Variants in CMSS1 observed in about 807,000 individuals in gnomAD.
The protein encoded by CMSS1 is cms1 ribosomal small subunit homolog, also known as protein CMSS1.
Under a neutral mutation model 43.5 loss-of-function variants are expected in CMSS1, and 33 were observed. The ratio of observed to expected loss-of-function variants is 0.76; its 90% CI spans 0.57 to 1.01. The LOEUF (loss-of-function observed/expected upper bound fraction) is 1.01. CMSS1 is among the 50% of genes least tolerant of loss of function. The pLI, the probability that CMSS1 is intolerant of heterozygous loss-of-function variation, is 0.00. For missense variants in CMSS1, 313 were observed against 326.4 expected (o/e 0.96, Z 0.32); for synonymous variants, 115 against 117.2 (o/e 0.98, Z 0.12).
chr3:99,866,064 T>A (rs748420710), intron 1 of CMSS1, among the ~76,000 whole-genome samples: 4 of 152,168 alleles, frequency 2.6e-5, no homozygotes, highest in Non-Finnish European at 5.9e-5. Flanking sequence ...TTCGTTGGGC[T>A]GCTTTTCTTT....
At chr3:100,092,027 T>G (rs368968566) in intron 1 of CMSS1, among the ~76,000 whole-genome samples, 12 of 152,326 alleles carry the variant, frequency 7.9e-5, no homozygotes, top group Non-Finnish European at 1.3e-4. Flanking sequence ...GTGCCACATA[T>G]GTAAAATGGG....
At chr3:99,819,466 G>A in intron 1 of CMSS1, among the ~76,000 whole-genome samples, 1 of 152,202 alleles carries the variant, frequency 6.6e-6, no homozygotes, top group Admixed American at 6.5e-5. Context: ...TATCTATTAT[G>A]TGACAAATGT....
chr3:99,983,434 ATATATATG>A (rs1559713519), intron 1 of CMSS1, among the ~76,000 whole-genome samples: 8 of 67,818 alleles, frequency 1.2e-4, no homozygotes, highest in African/African-American at 4.2e-4. Context: ...GTATGTATGT[ATATATATG>A]TATGTATATA....
intron 1 of CMSS1, among the ~76,000 whole-genome samples, chr3:99,835,220 C>A (rs1289563724): frequency 6.6e-6 from 1 of 152,184 alleles, no homozygotes; most frequent in Non-Finnish European, 1.5e-5. Flanking sequence ...TACTTCTAAT[C>A]ACCTTTGACC....
At chr3:99,839,538 T>C (rs1454026571) in intron 1 of CMSS1, among the ~76,000 whole-genome samples, 2 of 152,188 alleles carry the variant, frequency 1.3e-5, no homozygotes, top group Non-Finnish European at 2.9e-5. Flanking sequence ...GGATTCCTGC[T>C]GAAAACCAAT....
intron 1 of CMSS1, among the ~76,000 whole-genome samples, chr3:100,117,692 G>A (rs2066582118): frequency 2.0e-5 from 3 of 149,840 alleles, no homozygotes; most frequent in South Asian, 4.2e-4. Flanking sequence ...GTAATAATGT[G>A]TATATTGATT....
At chr3:99,818,498 T>C (rs1942368757) in intron 1 of CMSS1, among the ~76,000 whole-genome samples, 1 of 152,194 alleles carries the variant, frequency 6.6e-6, no homozygotes, top group Non-Finnish European at 1.5e-5. Context: ...AACAATAATG[T>C]CCATTTCGTA....
chr3:99,912,947 A>C (rs577337475), intron 1 of CMSS1, among the ~76,000 whole-genome samples: 3 of 152,306 alleles, frequency 2.0e-5, no homozygotes, highest in Non-Finnish European at 4.4e-5. Context: ...TTGAAATCAT[A>C]ACTCCCAATG....
chr3:99,862,189 CTAAA>C (rs1470703561), intron 1 of CMSS1, among the ~76,000 whole-genome samples: 6 of 151,938 alleles, frequency 3.9e-5, no homozygotes, highest in Admixed American at 2.0e-4. Flanking sequence ...GTTATAGGCC[CTAAA>C]TATAGTTTTA....
chr3:99,917,191 G>A (rs1706980511), intron 1 of CMSS1, among the ~76,000 whole-genome samples: 1 of 152,124 alleles, frequency 6.6e-6, no homozygotes, highest in Non-Finnish European at 1.5e-5. Context: ...GGGCTGTGCT[G>A]GCTGTTGGAT....
chr3:99,971,090 C>T (rs1280401246), intron 1 of CMSS1, among the ~76,000 whole-genome samples: 1 of 152,176 alleles, frequency 6.6e-6, no homozygotes, highest in Admixed American at 6.5e-5. Flanking sequence ...GTAATCCCAG[C>T]ACTTTGGGAG....
intron 1 of CMSS1, among the ~76,000 whole-genome samples, chr3:99,917,372 C>T (rs1474412939): frequency 6.6e-6 from 1 of 152,050 alleles, no homozygotes; most frequent in Non-Finnish European, 1.5e-5. Context: ...TTGGACCTCC[C>T]GTAACACCAG....
chr3:99,840,598 T>C (rs757158038), intron 1 of CMSS1, among the ~76,000 whole-genome samples: 2 of 152,200 alleles, frequency 1.3e-5, no homozygotes, highest in Non-Finnish European at 2.9e-5. Context: ...AGAAGTTTAA[T>C]TTCTGGAGGA....
chr3:100,147,424 C>A (rs1408666313), intron 2 of CMSS1, among the ~76,000 whole-genome samples: 2 of 151,738 alleles, frequency 1.3e-5, no homozygotes, highest in Non-Finnish European at 2.9e-5. Flanking sequence ...AGGCATGCAC[C>A]ACCACACCCA....
rs965785711 is a variant in CMSS1 at position 100,120,780 on chromosome 3, G to T, written c.65-26193G>T. Among the ~76,000 whole-genome samples the T allele has an allele frequency of 2.0e-5, 3 of 150,390 alleles. 1 individual carries two copies. The highest frequency in any genetic ancestry group is 7.4e-5 in the African/African-American group (3 of 40,816). The stretch of plus-strand genomic sequence containing the variant: ...GGGAGGCTTCACGGGGTGGGGGTGG[G>T]GATGCAACTATTTTAACTGGACACC... On this transcript the variant is annotated intron_variant, in intron 1 of 9. Coordinates refer to ENST00000421999, the MANE Select transcript of CMSS1 (RefSeq NM_032359.4).
At chr3:99,858,549 A>G (rs574806765) in intron 1 of CMSS1, among the ~76,000 whole-genome samples, 30 of 152,352 alleles carry the variant, frequency 2.0e-4, no homozygotes, top group African/African-American at 7.0e-4. Flanking sequence ...ATTTTTATGA[A>G]AAAATACTTT....
intron 2 of CMSS1, chr3:100,160,008 A>T: frequency 2.3e-6 from 1 of 441,424 alleles, no homozygotes; most frequent in South Asian, 1.6e-5. Context: ...TGACTTGGAA[A>T]TGTAGGCTCA....
chr3:100,091,111 C>T (rs62285473), intron 1 of CMSS1, among the ~76,000 whole-genome samples: 27,544 of 151,292 alleles, frequency 0.18, 2,892 homozygotes, highest in South Asian at 0.25. Flanking sequence ...CGGTGAAACC[C>T]CGTCTCTACT....
At chr3:100,175,195 C>A (rs2067139729) in intron 8 of CMSS1, among the ~76,000 whole-genome samples, 1 of 152,078 alleles carries the variant, frequency 6.6e-6, no homozygotes, top group Non-Finnish European at 1.5e-5. Flanking sequence ...TGGCAATGAT[C>A]ATTTTTGCAA....
Sources: gnomAD v4.1 joint callset for allele counts (sites outside exome capture counted in the v4.1 genomes callset) on GRCh38, gnomAD v4.1.1 for gene constraint, MANE v1.5 for transcripts, NCBI Gene and HGNC (gene_info 2026-07-23, HGNC 2026-07-21) for gene names.